Variants in RGS6 observed in about 807,000 individuals in gnomAD.
RGS6 encodes regulator of G-protein signaling 6.
RGS6 carries 30 observed loss-of-function variants against 78.5 expected under a neutral mutation model. That is an observed-to-expected ratio of 0.38 (90% CI 0.29 to 0.52). The LOEUF is 0.52. Ranked by LOEUF, RGS6 falls within the 20% of genes least tolerant of loss-of-function variation. The pLI is 0.85. For missense variants in RGS6, 495 were observed against 609.7 expected, an observed-to-expected ratio of 0.81 and a Z score of 1.98; for synonymous variants, 206 against 206.0, an observed-to-expected ratio of 1.00 and a Z score of 0.00.
rs76470094 is a variant in RGS6, at chr14:72,280,990, G to C, written c.85-71105G>C. On this transcript the variant is annotated intron_variant, in intron 2 of 17. Coordinates refer to ENST00000553525, the MANE Select transcript of RGS6 (RefSeq NM_001204424.2). ...TAAACTAGGAAATCCTATGTAGGCA[G>C]ATGTTTAGTTGATGAAAAGAAGTGT... is the stretch of plus-strand genomic sequence containing the variant. Among the ~76,000 whole-genome samples the C allele has an allele frequency of 2.6e-3, 399 of 152,264 alleles. 2 individuals carry two copies. Among genetic ancestry groups the C allele is most frequent in the African/African-American group, 9.3e-3 (385 of 41,542 alleles).
intron 2 of RGS6, among the ~76,000 whole-genome samples, chr14:72,337,980 C>G (rs2076344609): frequency 6.6e-6 from 1 of 152,182 alleles, no homozygotes; most frequent in South Asian, 2.1e-4. Context: ...GTTTCTCTTT[C>G]AGTCTGTGAT....
At chr14:72,010,823 A>T (rs28644384) in intron 2 of RGS6, among the ~76,000 whole-genome samples, 10,464 of 152,286 alleles carry the variant, frequency 0.069, 830 homozygotes, top group East Asian at 0.21. Flanking sequence ...ACGTGATGTT[A>T]ACTAGATATT....
intron 2 of RGS6, among the ~76,000 whole-genome samples, chr14:72,083,499 A>G (rs1230127919): frequency 6.6e-6 from 1 of 152,132 alleles, no homozygotes. Flanking sequence ...GGCCAAGGAA[A>G]GGGCTGTTTT....
the RGS6 span, among the ~76,000 whole-genome samples, chr14:71,911,615 G>C: frequency 2.0e-5 from 3 of 152,164 alleles, no homozygotes; most frequent in Admixed American, 6.5e-5. Context: ...GTGAGCCTGG[G>C]GTACTGATTA....
chr14:72,358,756 G>A (rs1300137994), intron 3 of RGS6, among the ~76,000 whole-genome samples: 6 of 152,172 alleles, frequency 3.9e-5, no homozygotes, highest in South Asian at 2.1e-4. Flanking sequence ...GGACTTTTGG[G>A]TTAATGCTGG....
At chr14:71,878,694 C>T in the RGS6 span, among the ~76,000 whole-genome samples, 3 of 152,302 alleles carry the variant, frequency 2.0e-5, no homozygotes, top group South Asian at 6.2e-4. Flanking sequence ...CACTGTCCTG[C>T]ACCCACTGTC....
intron 2 of RGS6, among the ~76,000 whole-genome samples, chr14:72,036,699 A>G (rs72737814): frequency 0.081 from 12,313 of 152,024 alleles, 546 homozygotes; most frequent in East Asian, 0.17. Flanking sequence ...GAGTTTTGAG[A>G]GTCCTTAATA....
At chr14:71,921,644 G>T in the RGS6 span, among the ~76,000 whole-genome samples, 2 of 152,184 alleles carry the variant, frequency 1.3e-5, no homozygotes, top group Non-Finnish European at 2.9e-5. Flanking sequence ...ACTTATATGT[G>T]GGATCTGAAA....
At chr14:72,435,576 C>A (rs976185688) in intron 3 of RGS6, among the ~76,000 whole-genome samples, 3 of 152,062 alleles carry the variant, frequency 2.0e-5, no homozygotes, top group Non-Finnish European at 4.4e-5. Context: ...TGAGATGGAT[C>A]TTAGAGACTA....
intron 2 of RGS6, among the ~76,000 whole-genome samples, chr14:72,197,376 T>C (rs2040435244): frequency 6.6e-6 from 1 of 152,094 alleles, no homozygotes; most frequent in Admixed American, 6.6e-5. Context: ...AAATGTTTTC[T>C]AGTTAAGTTC....
At chr14:72,415,699 C>G (rs1227227434) in intron 3 of RGS6, among the ~76,000 whole-genome samples, 5 of 152,216 alleles carry the variant, frequency 3.3e-5, no homozygotes, top group Non-Finnish European at 7.3e-5. Flanking sequence ...CGGCAACTGC[C>G]TATTGTTTTA....
At chr14:72,609,360 A>G in the RGS6 span, among the ~76,000 whole-genome samples, 1 of 152,164 alleles carries the variant, frequency 6.6e-6, no homozygotes, top group African/African-American at 2.4e-5. Flanking sequence ...CTGAATGAAG[A>G]GTGAGTCCCG....
intron 15 of RGS6, among the ~76,000 whole-genome samples, chr14:72,529,555 G>A (rs568026524): frequency 1.3e-5 from 2 of 152,288 alleles, no homozygotes; most frequent in Non-Finnish European, 2.9e-5. Flanking sequence ...TGGGCCTCCT[G>A]AGAGTGGACA....
At chr14:72,523,834 A>AT (rs139645535) in intron 15 of RGS6, among the ~76,000 whole-genome samples, 7,004 of 149,288 alleles carry the variant, frequency 0.047, 315 homozygotes, top group African/African-American at 0.12. Flanking sequence ...GGCCATGATT[A>AT]TTTTTTTTTA....
chr14:72,078,950 C>T (rs2094702942), intron 2 of RGS6, among the ~76,000 whole-genome samples: 1 of 152,092 alleles, frequency 6.6e-6, no homozygotes, highest in Non-Finnish European at 1.5e-5. Context: ...ATCTGTAAAT[C>T]TCTTTTAACC....
In RGS6 at chr14:72,357,905, G is replaced by T. The variant is rs534196170; in HGVS notation, c.184+5711G>T. Among the ~76,000 whole-genome samples the T allele has an allele frequency of 6.6e-5, 10 of 152,258 alleles. No homozygotes were observed. The South Asian group carries it at 2.1e-3, about 32-fold the overall frequency. On this transcript the variant is annotated intron_variant, in intron 3 of 17. Transcript: ENST00000553525. Reference sequence around the variant, plus strand: ...TTCAAGGCAGCACCTCCCACCACAGGCCCAGAGACCTAAGAGGAAAAAATG... The same window carrying T: ...TTCAAGGCAGCACCTCCCACCACAGTCCCAGAGACCTAAGAGGAAAAAATG...
intron 13 of RGS6, among the ~76,000 whole-genome samples, chr14:72,509,419 T>C (rs1054694078): frequency 1.3e-5 from 2 of 151,778 alleles, no homozygotes; most frequent in African/African-American, 4.8e-5. Context: ...TGTCTAGATT[T>C]GATTCTTGAC....
intron 1 of RGS6, among the ~76,000 whole-genome samples, chr14:71,963,347 T>C (rs1181528770): frequency 6.6e-6 from 1 of 152,226 alleles, no homozygotes; most frequent in Non-Finnish European, 1.5e-5. Flanking sequence ...CCACATTAAA[T>C]ATATTTATTT....
At chr14:72,161,437 C>G (rs1455288651) in intron 2 of RGS6, among the ~76,000 whole-genome samples, 2 of 152,102 alleles carry the variant, frequency 1.3e-5, no homozygotes, top group African/African-American at 4.8e-5. Flanking sequence ...CAGACTTTTG[C>G]TTGCGTTGAG....
Sources: allele counts gnomAD v4.1 joint callset (sites outside exome capture counted in the v4.1 genomes callset), GRCh38; gene constraint gnomAD v4.1.1; transcripts MANE v1.5; gene names NCBI Gene and HGNC (gene_info 2026-07-23, HGNC 2026-07-21).